The following SV2B variants were observed in gnomAD, a reference collection of about 807,000 sequenced individuals.
SV2B encodes the protein synaptic vesicle glycoprotein 2B.
A neutral mutation model predicts 73.9 loss-of-function variants in SV2B; 41 were observed. The ratio of observed to expected loss-of-function variants is 0.56; its 90% CI spans 0.43 to 0.72. The LOEUF is 0.72. Ranked by LOEUF, SV2B falls within the 30% of genes least tolerant of loss-of-function variation. The probability of loss-of-function intolerance (pLI) is 0.00; values close to 1 mark genes in which losing one functional copy is unlikely to be tolerated. For missense variants in SV2B, 764 were observed against 857.8 expected, an observed-to-expected ratio of 0.89 and a Z score of 1.37; for synonymous variants, 314 against 314.2, an observed-to-expected ratio of 1.00 and a Z score of 0.01.
At chr15:91,190,395 T>A (rs115759999) in intron 1 of SV2B, among the ~76,000 whole-genome samples, 4,574 of 152,230 alleles carry the variant, frequency 0.03, 79 homozygotes, top group Non-Finnish European at 0.033. Context: ...TCCAGTACTA[T>A]GTTTTATAGT....
At chr15:91,211,543 G>A (rs1235702874) in intron 1 of SV2B, among the ~76,000 whole-genome samples, 8 of 141,562 alleles carry the variant, frequency 5.7e-5, no homozygotes, top group South Asian at 4.5e-4. Flanking sequence ...TCGCTCTGTC[G>A]CCCAGGCTGG....
chr15:91,169,684 A>G (rs1227888773), intron 1 of SV2B, among the ~76,000 whole-genome samples: 1 of 152,198 alleles, frequency 6.6e-6, no homozygotes, highest in East Asian at 1.9e-4. Flanking sequence ...CAAGTAACTG[A>G]TCAATGAACG....
intron 1 of SV2B, among the ~76,000 whole-genome samples, chr15:91,160,824 AT>A (rs2043688787): frequency 6.6e-6 from 1 of 152,178 alleles, no homozygotes; most frequent in Admixed American, 6.5e-5. Context: ...AGAAAAAAAA[AT>A]AGATCCCTAC....
chr15:91,158,637 T>TTC (rs1278215680), intron 1 of SV2B, among the ~76,000 whole-genome samples: 5 of 38,696 alleles, frequency 1.3e-4, no homozygotes, highest in African/African-American at 4.3e-4. Flanking sequence ...ATTTTCCCTC[T>TTC]TCTCTTCTCT....
rs1450029753 is a variant in SV2B at position 91,296,874 on chromosome 15, C to G, written c.*4322C>G. 7.6e-6 allele frequency: 1 copy of G among 132,258 alleles called. No homozygotes were observed. 8.2% of individuals were successfully genotyped at this position (132,258 alleles called of 1,614,324 possible). A position where few individuals can be genotyped will look rare whatever the true frequency, so the allele number is the denominator to read the frequency against. The stretch of plus-strand genomic sequence containing the variant: ...TGGGCGCACGCTCCTTCTGCCCGAT[C>G]GTTGGGCGCACGCTCCTTCTGCCCG... On this transcript the variant is annotated 3_prime_UTR_variant, in exon 13 of 13. Transcript: ENST00000394232.
At position 91,132,283 on chromosome 15, in the gene SV2B, C is replaced by T. The variant is rs2042677572; in HGVS notation, c.-392+31920C>T. Among the ~76,000 whole-genome samples, 1 of 152,212 alleles carries T rather than the reference C, an allele frequency of 6.6e-6. No homozygotes were observed. The highest frequency in any genetic ancestry group is 2.4e-5 in the African/African-American group (1 of 41,464). On this transcript the variant is annotated intron_variant, in intron 1 of 12. Transcript: ENST00000394232. This position sits in a 1 kb window ranked among gnomAD's most constrained non-coding sequence, Gnocchi z 4.6. ...CTCATGTAAATGAAGTAGTAGCCCA[C>T]AATCAGTCTGATTGGTTGCAGAAAG...
rs147164320 is a variant in SV2B, at chr15:91,149,076, A to G, written c.-392+48713A>G. Among the ~76,000 whole-genome samples the G allele has an allele frequency of 5.4e-4, 82 of 152,342 alleles. No homozygotes were observed. The East Asian group carries it at 0.014, about 27-fold the overall frequency. On this transcript the variant is annotated intron_variant, in intron 1 of 12. Transcript: ENST00000394232. ...TACCACCATGGGCAGCCAGCTCTTA[A>G]TCCTGGTGGATTGACTTCAAGATCT... is the stretch of plus-strand genomic sequence containing the variant.
intron 1 of SV2B, among the ~76,000 whole-genome samples, chr15:91,178,925 C>A (rs1429823213): frequency 6.7e-6 from 1 of 149,756 alleles, no homozygotes; most frequent in Non-Finnish European, 1.5e-5. Context: ...TATTTCTTGC[C>A]TTCTGCTAGC....
At chr15:91,262,008 C>G (rs1477530187) in intron 6 of SV2B, among the ~76,000 whole-genome samples, 1 of 152,178 alleles carries the variant, frequency 6.6e-6, no homozygotes, top group East Asian at 1.9e-4. Context: ...TATTTTTTAG[C>G]TTCCATAATT....
At chr15:91,274,231 GA>G (rs1426845323) in intron 9 of SV2B, among the ~76,000 whole-genome samples, 9 of 152,304 alleles carry the variant, frequency 5.9e-5, no homozygotes, top group Non-Finnish European at 1.3e-4. Flanking sequence ...ATTGCTGGGT[GA>G]AAGGCTGGAA....
chr15:91,145,325 C>G (rs1226055224), intron 1 of SV2B, among the ~76,000 whole-genome samples: 1 of 152,170 alleles, frequency 6.6e-6, no homozygotes, highest in South Asian at 2.1e-4. Flanking sequence ...TGACCCCATT[C>G]TTTTTATGGC....
intron 1 of SV2B, among the ~76,000 whole-genome samples, chr15:91,170,264 GA>G (rs1233810759): frequency 1.3e-5 from 2 of 151,906 alleles, no homozygotes; most frequent in Non-Finnish European, 2.9e-5. Flanking sequence ...AGTCTTATTA[GA>G]GAGATATATG....
intron 1 of SV2B, among the ~76,000 whole-genome samples, chr15:91,126,348 C>G (rs2042481625): frequency 6.6e-6 from 1 of 152,154 alleles, no homozygotes; most frequent in Admixed American, 6.5e-5. Flanking sequence ...AGGTGCTGAT[C>G]ATGCCAAGAT....
chr15:91,108,486 C>T (rs1220416132), intron 1 of SV2B, among the ~76,000 whole-genome samples: 3 of 152,244 alleles, frequency 2.0e-5, no homozygotes, highest in African/African-American at 7.2e-5. Context: ...GTCTGTGGTT[C>T]TTCCTGTTCC....
intron 9 of SV2B, among the ~76,000 whole-genome samples, chr15:91,272,737 C>T (rs1030102509): frequency 2.0e-4 from 31 of 151,706 alleles, no homozygotes; most frequent in Non-Finnish European, 3.1e-4. Context: ...CACACACACA[C>T]ACAATAGAAC....
At chr15:91,219,191 C>T (rs969953832) in intron 1 of SV2B, among the ~76,000 whole-genome samples, 1 of 152,130 alleles carries the variant, frequency 6.6e-6, no homozygotes, top group Non-Finnish European at 1.5e-5. Context: ...TCAGGTGATC[C>T]ACCCAACTTG....
chr15:91,139,450 A>C lies in SV2B; in HGVS notation c.-392+39087A>C, dbSNP rs766856438. ...GCAAAAATACCACCCTTGAGCTAAA[A>C]CCAGAGCTGGGAAATGGAGGCAGGG... is the stretch of plus-strand genomic sequence containing the variant. On this transcript the variant is annotated intron_variant, in intron 1 of 12. Transcript: ENST00000394232. The surrounding 1 kb of genome is among the most constrained non-coding windows in gnomAD (Gnocchi z 5.2). Among the ~76,000 whole-genome samples, 1 of 152,158 alleles carries C rather than the reference A, an allele frequency of 6.6e-6. No individual in the cohort carries two copies. The highest frequency in any genetic ancestry group is 1.5e-5 in the Non-Finnish European group (1 of 68,032).
rs2042338851 is a variant in SV2B, at chr15:91,121,635, A to G, written c.-392+21272A>G. 6.6e-6 allele frequency among the ~76,000 whole-genome samples: 1 copy of G among 152,176 alleles called. No homozygotes were observed. The highest frequency in any genetic ancestry group is 6.5e-5 in the Admixed American group (1 of 15,274). ...GAAGGGAAGAAAGCAGAGTTGGCTT[A>G]GAGATGAATGCAAATAAGATCTGAA... On this transcript the variant is annotated intron_variant, in intron 1 of 12. Coordinates refer to ENST00000394232, the MANE Select transcript of SV2B (RefSeq NM_001323032.3). The surrounding 1 kb of genome is among the most constrained non-coding windows in gnomAD (Gnocchi z 4.4).
At chr15:91,158,616 C>G (rs2043571629) in intron 1 of SV2B, among the ~76,000 whole-genome samples, 1 of 138,880 alleles carries the variant, frequency 7.2e-6, no homozygotes, top group South Asian at 2.4e-4. Context: ...GAAAGGGTGG[C>G]CTTTTCTTTT....
Sources: gnomAD v4.1 joint callset for allele counts (sites outside exome capture counted in the v4.1 genomes callset) on GRCh38, gnomAD v4.1.1 for gene constraint, Gnocchi (gnomAD v3.1) non-coding constraint, MANE v1.5 for transcripts, NCBI Gene and HGNC (gene_info 2026-07-23, HGNC 2026-07-21) for gene names.